DNAH14: variants seen among roughly 807,000 people sequenced by gnomAD.
DNAH14 encodes the protein dynein axonemal heavy chain 14, also known as axonemal beta dynein heavy chain 14.
DNAH14 carries 478 observed loss-of-function variants against 520.9 expected under a neutral mutation model. The observed-to-expected ratio is 0.92, with a 90% CI of 0.85 to 0.99. The LOEUF is 0.99. DNAH14 is among the 50% of genes least tolerant of loss of function. The pLI, the probability that DNAH14 is intolerant of heterozygous loss-of-function variation, is 0.00. For missense variants in DNAH14, 4,831 were observed against 5,234.5 expected (o/e 0.92, Z 2.38); for synonymous variants, 1,581 against 1,757.2 (o/e 0.90, Z 2.51).
chr1:225,103,015 G>A (rs2075661382), intron 23 of DNAH14, among the ~76,000 whole-genome samples: 1 of 152,084 alleles, frequency 6.6e-6, no homozygotes. Context: ...GGGTTTTTAT[G>A]GTTTTAGGTC....
rs1213434510 is a variant in DNAH14, at chr1:225,079,567, T to C, written c.2766+19T>C. ...AGCCAAGGTAAGTTTTTAGGGTTTTTTTGGATTTTTTTTTTATTAAAAACT... is the reference window on the plus strand; with the variant it reads ...AGCCAAGGTAAGTTTTTAGGGTTTTCTTGGATTTTTTTTTTATTAAAAACT... On this transcript the variant is annotated intron_variant, in intron 18 of 85. Transcript: ENST00000682510. 8 of 1,494,720 alleles carry C rather than the reference T, an allele frequency of 5.4e-6. No individual in the cohort carries two copies. The highest frequency in any genetic ancestry group is 8.9e-7 in the Non-Finnish European group (1 of 1,128,310). The allele number at this position is 1,494,720 out of a possible 1,614,324, so 92.6% of individuals were successfully genotyped here. A position where few individuals can be genotyped will look rare whatever the true frequency, so the allele number is the denominator to read the frequency against.
At chr1:224,968,393 T>C (rs1296000887) in intron 6 of DNAH14, among the ~76,000 whole-genome samples, 2 of 152,162 alleles carry the variant, frequency 1.3e-5, no homozygotes, top group African/African-American at 2.4e-5. Flanking sequence ...TATAAGATTA[T>C]ACACACATTT....
chr1:225,378,878 C>CCA (rs2095741232), intron 79 of DNAH14, among the ~76,000 whole-genome samples: 1 of 8,806 alleles, frequency 1.1e-4, no homozygotes. Flanking sequence ...AAACTCCGTC[C>CCA]CAAAAAAAAA....
At position 225,042,949 on chromosome 1, in the gene DNAH14, G is replaced by T; in HGVS notation, c.1603G>T (p.Glu535Ter). 6.4e-7 allele frequency: 1 copy of T among 1,551,902 alleles called. No homozygotes were observed. The highest frequency in any genetic ancestry group is 8.7e-7 in the Non-Finnish European group (1 of 1,147,030). Reference protein sequence around the residue: ...AESDSSENSKENFHESDQCPE... With the variant: ...AESDSSENSK The stretch of plus-strand genomic sequence containing the variant: ...GAGTGATTCTTCAGAAAATTCTAAA[G>T]AGAACTTTCATGAGTCTGACCAGTG... The change falls in exon 13 of 86, where the codon GAG (glutamate) becomes TAG (stop). Residue 535 changes from glutamate to a stop codon, truncating the protein, a stop_gained. Coordinates refer to ENST00000682510, the MANE Select transcript of DNAH14 (RefSeq NM_001367479.1). LOFTEE classifies it high-confidence loss of function.
At chr1:225,393,546 A>G (rs2095950922) in intron 84 of DNAH14, among the ~76,000 whole-genome samples, 1 of 152,218 alleles carries the variant, frequency 6.6e-6, no homozygotes. Context: ...CAGCTCCATC[A>G]TAATCTTATA....
chr1:224,945,327 T>A (rs545067820), intron 1 of DNAH14, among the ~76,000 whole-genome samples: 1 of 152,232 alleles, frequency 6.6e-6, no homozygotes, highest in Non-Finnish European at 1.5e-5. Context: ...TTATCGTGCC[T>A]TGGTTGTCAG....
intron 38 of DNAH14, among the ~76,000 whole-genome samples, chr1:225,201,571 A>C (rs539115417): frequency 6.6e-6 from 1 of 151,848 alleles, no homozygotes; most frequent in Non-Finnish European, 1.5e-5. Context: ...TTAATGTAGT[A>C]CTCTCCCCCT....
intron 64 of DNAH14, among the ~76,000 whole-genome samples, chr1:225,326,195 T>G (rs1314665281): frequency 6.6e-6 from 1 of 152,226 alleles, no homozygotes; most frequent in East Asian, 1.9e-4. Flanking sequence ...ATGAGAAAAC[T>G]AAATTTTAAA....
At chr1:225,140,102 C>T (rs961015892) in intron 27 of DNAH14, among the ~76,000 whole-genome samples, 1 of 152,162 alleles carries the variant, frequency 6.6e-6, no homozygotes, top group African/African-American at 2.4e-5. Flanking sequence ...TCTTATGTTT[C>T]TTGAGCACTT....
intron 54 of DNAH14, among the ~76,000 whole-genome samples, chr1:225,284,231 C>T (rs956289510): frequency 3.3e-5 from 5 of 151,320 alleles, no homozygotes; most frequent in Non-Finnish European, 3.0e-5. Context: ...AAAAGATCAA[C>T]AAAATTGACA....
Position 225,308,464 on chromosome 1 carries a change from C to G in DNAH14, c.9240+54C>G, listed in dbSNP as rs1206997816. 3 of 1,473,346 alleles carry G rather than the reference C, an allele frequency of 2.0e-6. No homozygotes were observed. The East Asian group carries it at 7.6e-5, about 37-fold the overall frequency. The allele number at this position is 1,473,346 out of a possible 1,614,324, so 91.3% of individuals were successfully genotyped here. ...AATTTGGAGATTTGAAAAAGTATTC[C>G]CTAACCTTCAAATTTAAAAGTCAGA... On this transcript the variant is annotated intron_variant, in intron 60 of 85. Coordinates refer to ENST00000682510, the MANE Select transcript of DNAH14 (RefSeq NM_001367479.1).
At chr1:225,335,485 ATACACGTG>A (rs1466140997) in intron 66 of DNAH14, among the ~76,000 whole-genome samples, 2 of 100,664 alleles carry the variant, frequency 2.0e-5, no homozygotes, top group Non-Finnish European at 4.3e-5. Context: ...GTATGCACAT[ATACACGTG>A]TGTACATGTA....
chr1:224,974,930 C>A (rs1036938000), intron 8 of DNAH14, among the ~76,000 whole-genome samples: 10 of 151,940 alleles, frequency 6.6e-5, no homozygotes, highest in African/African-American at 2.4e-4. Context: ...GAGTTTTTAG[C>A]ATGAAGCGTT....
rs181997657 is a variant in DNAH14 at position 225,206,750 on chromosome 1, C to A, written c.6187-218C>A. Among the ~76,000 whole-genome samples, 269 of 152,202 alleles carry A rather than the reference C, an allele frequency of 1.8e-3. 1 individual carries two copies. Among genetic ancestry groups the A allele is most frequent in the African/African-American group, 5.4e-3 (225 of 41,538 alleles). ...TCAATACACCTTCCTACACATAATA[C>A]CCCAATTGTTTTCTTGTAAGACCAT... is the stretch of plus-strand genomic sequence containing the variant. On this transcript the variant is annotated intron_variant, in intron 40 of 85. Coordinates refer to ENST00000682510, the MANE Select transcript of DNAH14 (RefSeq NM_001367479.1).
chr1:225,324,444 C>T (rs977053390), intron 63 of DNAH14, 91 bp downstream of exon 63: 99 of 1,452,956 alleles, frequency 6.8e-5, no homozygotes, highest in Non-Finnish European at 8.7e-5. Context: ...CTCAAATGAA[C>T]TTGAGTGGAA....
intron 61 of DNAH14, among the ~76,000 whole-genome samples, chr1:225,321,778 A>G (rs957212427): frequency 2.2e-4 from 34 of 152,228 alleles, no homozygotes; most frequent in African/African-American, 8.0e-4. Flanking sequence ...CAATGTTCCA[A>G]TAATAAATAC....
Position 225,207,227 on chromosome 1 carries a change from T to A in DNAH14, c.6439+7T>A, listed in dbSNP as rs758471470. 4 of 1,502,554 alleles carry A rather than the reference T, an allele frequency of 2.7e-6. No homozygotes were observed. In the South Asian group the frequency reaches 5.2e-5, roughly 19 times the overall value. The allele number at this position is 1,502,554 out of a possible 1,614,324, so 93.1% of individuals were successfully genotyped here. On this transcript the variant is annotated splice_region_variant and intron_variant, in intron 41 of 85. Coordinates refer to ENST00000682510, the MANE Select transcript of DNAH14 (RefSeq NM_001367479.1). ...AATGGAGGATTTGAACAAAGTGAGT[T>A]TTTTTCTCTAAGTCATATCAATGAT...
intron 8 of DNAH14, among the ~76,000 whole-genome samples, chr1:224,976,591 G>C (rs1448912815): frequency 2.0e-5 from 3 of 151,978 alleles, no homozygotes; most frequent in African/African-American, 7.3e-5. Context: ...CTGCTCATCT[G>C]ACAAAGGGCT....
intron 61 of DNAH14, among the ~76,000 whole-genome samples, chr1:225,318,919 G>A (rs1252657993): frequency 6.6e-6 from 1 of 152,012 alleles, no homozygotes; most frequent in East Asian, 1.9e-4. Flanking sequence ...TTTGTATCCT[G>A]AAGAAAAAAT....
Sources: gnomAD v4.1 joint callset for allele counts (sites outside exome capture counted in the v4.1 genomes callset) on GRCh38, gnomAD v4.1.1 for gene constraint, MANE v1.5 for transcripts, NCBI Gene and HGNC (gene_info 2026-07-23, HGNC 2026-07-21) for gene names.